Variants in SYNE1 observed in about 807,000 individuals in gnomAD.
SYNE1 encodes nesprin-1.
In SYNE1, 616 loss-of-function variants were observed where a neutral mutation model predicts 1,111.0. That is an observed-to-expected ratio of 0.55 (90% CI 0.52 to 0.59). The LOEUF (loss-of-function observed/expected upper bound fraction) is 0.59, where lower values mean the gene tolerates loss of function less well. Ranked by LOEUF, SYNE1 falls within the 20% of genes least tolerant of loss-of-function variation. The pLI is 0.00. For synonymous variants in SYNE1, 3,855 were observed against 3,825.8 expected, an observed-to-expected ratio of 1.01 and a Z score of -0.28; for missense variants, 10,006 against 10,417.0, an observed-to-expected ratio of 0.96 and a Z score of 1.72.
rs1160469912 is a variant in SYNE1, at chr6:152,221,047, C to G, written c.21657-1G>C. 6.2e-7 allele frequency: 1 copy of G among 1,614,012 alleles called. No homozygotes were observed. The highest frequency in any genetic ancestry group is 1.7e-5 in the Admixed American group (1 of 60,014). ...AATCTCTTCCAGCAAGTTATTCCATCTGGAAATAATAACCAACACTCATGA... is the reference window on the plus strand; with the variant it reads ...AATCTCTTCCAGCAAGTTATTCCATGTGGAAATAATAACCAACACTCATGA... On this transcript the variant is annotated splice_acceptor_variant, in intron 118 of 145. Transcript: ENST00000367255. LOFTEE classifies it high-confidence loss of function.
chr6:152,628,383 G>A lies in SYNE1; in HGVS notation c.-52C>T. ...ACCAAGAGACTCTTCACTGGAGGCA[G>A]CACAGGGCTACACCACTCTAGAAAA... On this transcript the variant is annotated 5_prime_UTR_variant, in exon 3 of 146. Transcript: ENST00000367255. 4 of 1,557,702 alleles carry A rather than the reference G, an allele frequency of 2.6e-6. No homozygotes were observed. Among genetic ancestry groups the A allele is most frequent in the Non-Finnish European group, 3.5e-6 (4 of 1,128,628 alleles).
intron 4 of SYNE1, among the ~76,000 whole-genome samples, chr6:152,528,568 C>T (rs1180807151): frequency 6.6e-6 from 1 of 152,060 alleles, no homozygotes; most frequent in African/African-American, 2.4e-5. Context: ...TTTATACCAC[C>T]AATATGGTGA....
At position 152,636,639 on chromosome 6, in the gene SYNE1, T is replaced by A. The variant is rs1043177504; in HGVS notation, c.-225A>T. On this transcript the variant is annotated splice_region_variant and 5_prime_UTR_variant, in exon 2 of 146. The change creates a new upstream start codon in the 5' untranslated region. Coordinates refer to ENST00000367255, the MANE Select transcript of SYNE1 (RefSeq NM_182961.4). Reference sequence around the variant, plus strand: ...CCCAGTCTCTGTCTTTCCTTTTACCTTCTCTCTCGGCCTCGTTCAGTTTCC... The same window carrying A: ...CCCAGTCTCTGTCTTTCCTTTTACCATCTCTCTCGGCCTCGTTCAGTTTCC... 1.3e-5 allele frequency: 2 copies of A among 152,784 alleles called. No homozygotes were observed. The highest frequency in any genetic ancestry group is 2.9e-5 in the Non-Finnish European group (2 of 68,146). 9.5% of individuals were successfully genotyped at this position (152,784 alleles called of 1,614,324 possible).
chr6:152,559,661 A>T (rs2099388306), intron 3 of SYNE1, among the ~76,000 whole-genome samples: 1 of 152,164 alleles, frequency 6.6e-6, no homozygotes, highest in African/African-American at 2.4e-5. Context: ...TTATAGTAAT[A>T]AATGCCTACA....
chr6:152,418,500 G>A (rs558492122), intron 40 of SYNE1, among the ~76,000 whole-genome samples: 66 of 152,276 alleles, frequency 4.3e-4, no homozygotes, highest in Middle Eastern at 6.8e-3. Context: ...TGCTATATGC[G>A]TACTATGTAG....
chr6:152,274,763 A>G (rs1175064600), intron 98 of SYNE1, among the ~76,000 whole-genome samples: 2 of 151,734 alleles, frequency 1.3e-5, no homozygotes, highest in Non-Finnish European at 2.9e-5. Flanking sequence ...CACCTGGCTA[A>G]TTTTGTATTT....
chr6:152,354,489 T>C (rs2096799409), intron 67 of SYNE1, among the ~76,000 whole-genome samples, 170 bp downstream of exon 67: 1 of 152,208 alleles, frequency 6.6e-6, no homozygotes, highest in South Asian at 2.1e-4. Flanking sequence ...ATTTATGAAA[T>C]AATTGCTGTA....
chr6:152,482,454 T>C (rs1196011430), intron 14 of SYNE1, among the ~76,000 whole-genome samples: 1 of 152,232 alleles, frequency 6.6e-6, no homozygotes, highest in Admixed American at 6.5e-5. Context: ...GCAAATGAAG[T>C]ATACAAATTC....
intron 127 of SYNE1, among the ~76,000 whole-genome samples, chr6:152,201,157 AG>A (rs1207284785): frequency 1.3e-5 from 2 of 152,212 alleles, no homozygotes; most frequent in Non-Finnish European, 2.9e-5. Flanking sequence ...TGCTCAGCAA[AG>A]AACTGCTGTT....
chr6:152,376,610 G>GAA, intron 57 of SYNE1, 52 bp from the exon 58 acceptor site: 1 of 1,603,090 alleles, frequency 6.2e-7, no homozygotes, highest in Non-Finnish European at 8.5e-7. Context: ...TAAAGTTGAT[G>GAA]AAAATCATGT....
intron 130 of SYNE1, among the ~76,000 whole-genome samples, chr6:152,175,532 AT>A (rs1487373434): frequency 2.0e-5 from 3 of 152,212 alleles, no homozygotes; most frequent in Non-Finnish European, 4.4e-5. Context: ...CATGAAGAAC[AT>A]TTACTCAAAT....
rs2098810746 is a variant in SYNE1 at position 152,472,282 on chromosome 6, A to T, written c.1463+19T>A. 1 of 1,582,156 alleles carries T rather than the reference A, an allele frequency of 6.3e-7. No individual in the cohort carries two copies. The highest frequency in any genetic ancestry group is 2.2e-5 in the East Asian group (1 of 44,720). ...GTGTTTTAAAAAGAGACTTCCTTTA[A>T]ATGCAGATATTCTCTTACCTCTCGG... On this transcript the variant is annotated intron_variant, in intron 15 of 145. Transcript: ENST00000367255.
intron 93 of SYNE1, among the ~76,000 whole-genome samples, chr6:152,295,983 G>T (rs1279164704): frequency 6.6e-6 from 1 of 152,144 alleles, no homozygotes; most frequent in Non-Finnish European, 1.5e-5. Flanking sequence ...GAATGCACTT[G>T]CACACACAGG....
chr6:152,572,118 C>T (rs1461112859), intron 3 of SYNE1, among the ~76,000 whole-genome samples: 1 of 152,108 alleles, frequency 6.6e-6, no homozygotes. Flanking sequence ...TTGCATAATG[C>T]CTACATCTTT....
intron 117 of SYNE1, among the ~76,000 whole-genome samples, chr6:152,223,103 C>A (rs1041762257): frequency 6.6e-6 from 1 of 152,118 alleles, no homozygotes; most frequent in Non-Finnish European, 1.5e-5. Context: ...AGGAAAAGAC[C>A]CTTAATCCTT....
intron 5 of SYNE1, among the ~76,000 whole-genome samples, chr6:152,521,200 T>C (rs1302732673): frequency 6.6e-6 from 1 of 152,240 alleles, no homozygotes; most frequent in Non-Finnish European, 1.5e-5. Flanking sequence ...ATCATATCAT[T>C]GCCTTTCACT....
chr6:152,124,369 C>T (rs576928905), intron 145 of SYNE1, among the ~76,000 whole-genome samples: 1 of 152,338 alleles, frequency 6.6e-6, no homozygotes, highest in East Asian at 1.9e-4. Context: ...TGTTTCTATA[C>T]ACTTCTTGTG....
intron 112 of SYNE1, among the ~76,000 whole-genome samples, chr6:152,232,704 T>G (rs1417229035): frequency 6.6e-6 from 1 of 152,052 alleles, no homozygotes; most frequent in Non-Finnish European, 1.5e-5. Context: ...TTTTCTAGAG[T>G]TTTTGGCACT....
At chr6:152,480,816 T>G (rs1297145980) in intron 14 of SYNE1, 3 of 456,206 alleles carry the variant, frequency 6.6e-6, no homozygotes, top group Admixed American at 4.7e-5. Flanking sequence ...TTTGTTTGTT[T>G]GTTTGCCTCA....
Sources: allele counts gnomAD v4.1 joint callset (sites outside exome capture counted in the v4.1 genomes callset), GRCh38; gene constraint gnomAD v4.1.1; transcripts MANE v1.5; gene names NCBI Gene and HGNC (gene_info 2026-07-23, HGNC 2026-07-21).